PPP1R1C: variants seen among roughly 807,000 people sequenced by gnomAD.
The protein encoded by PPP1R1C is protein phosphatase 1 regulatory subunit 1C.
In PPP1R1C, 15 loss-of-function variants were observed where a neutral mutation model predicts 17.4. The observed-to-expected ratio is 0.86, with a 90% CI of 0.58 to 1.33. PPP1R1C has a LOEUF of 1.33. PPP1R1C is among the 40% of genes most tolerant of loss of function. The pLI is 0.00. For missense variants in PPP1R1C, 143 were observed against 130.0 expected, an observed-to-expected ratio of 1.10 and a Z score of -0.48; for synonymous variants, 35 against 43.1, an observed-to-expected ratio of 0.81 and a Z score of 0.73.
chr2:182,105,363 C>T (rs1689212221), intron 4 of PPP1R1C, among the ~76,000 whole-genome samples: 1 of 152,154 alleles, frequency 6.6e-6, no homozygotes, highest in African/African-American at 2.4e-5. Flanking sequence ...TATGTGACAT[C>T]CGTCAGCATA....
intron 4 of PPP1R1C, among the ~76,000 whole-genome samples, chr2:182,100,936 G>C (rs936852978): frequency 6.6e-6 from 1 of 152,164 alleles, no homozygotes; most frequent in Admixed American, 6.6e-5. Context: ...AGGGCTGATT[G>C]TTTTCCCATG....
chr2:182,035,307 A>AT (rs1686970771), intron 2 of PPP1R1C, among the ~76,000 whole-genome samples: 1 of 152,164 alleles, frequency 6.6e-6, no homozygotes, highest in Non-Finnish European at 1.5e-5. Flanking sequence ...TAAGTAAAAT[A>AT]TTTTTTCACA....
intron 1 of PPP1R1C, among the ~76,000 whole-genome samples, chr2:181,966,450 T>C (rs976450602): frequency 2.0e-5 from 3 of 152,220 alleles, no homozygotes; most frequent in African/African-American, 7.2e-5. Context: ...ATGTCATATA[T>C]GGCTTTTATT....
chr2:181,984,757 G>A (rs1288971571), upstream of PPP1R1C, among the ~76,000 whole-genome samples: 1 of 152,080 alleles, frequency 6.6e-6, no homozygotes, highest in African/African-American at 2.4e-5. Context: ...AATCATAGTC[G>A]ATGTCTAAAT....
At chr2:182,028,504 C>T (rs1433397007) in intron 2 of PPP1R1C, among the ~76,000 whole-genome samples, 5 of 152,166 alleles carry the variant, frequency 3.3e-5, no homozygotes. Flanking sequence ...TCTTCAGTTT[C>T]CATGTAGTTG....
chr2:182,010,609 T>C (rs13026985), intron 2 of PPP1R1C, among the ~76,000 whole-genome samples: 56,050 of 151,872 alleles, frequency 0.37, 11,048 homozygotes, highest in Non-Finnish European at 0.42. Flanking sequence ...TCAGAGGCAC[T>C]TTATTTCTTT....
chr2:181,987,913 A>G lies in PPP1R1C; in HGVS notation c.142+14A>G, dbSNP rs1685351794. ...ATAACCCCCCAGGTAAAGAAGCATG[A>G]TGTGTTTCACACTGATGGAACAGAA... On this transcript the variant is annotated intron_variant, in intron 2 of 4. Transcript: ENST00000682840. The G allele has an allele frequency of 6.2e-7, 1 of 1,603,128 alleles. No individual in the cohort carries two copies. Among genetic ancestry groups the G allele is most frequent in the African/African-American group, 1.3e-5 (1 of 74,744 alleles).
At chr2:182,097,464 C>A (rs1688974061) in intron 4 of PPP1R1C, among the ~76,000 whole-genome samples, 2 of 152,194 alleles carry the variant, frequency 1.3e-5, no homozygotes, top group African/African-American at 2.4e-5. Context: ...GCTACCCCCA[C>A]CACAAACAAC....
At chr2:182,119,273 T>C (rs1689670286), downstream of PPP1R1C, among the ~76,000 whole-genome samples, 1 of 152,082 alleles carries the variant, frequency 6.6e-6, no homozygotes, top group African/African-American at 2.4e-5. Flanking sequence ...CCATGGTGTA[T>C]ATGTGCCACA....
chr2:182,028,697 G>A (rs1226969508), intron 2 of PPP1R1C, among the ~76,000 whole-genome samples: 1 of 149,512 alleles, frequency 6.7e-6, no homozygotes, highest in Non-Finnish European at 1.5e-5. Flanking sequence ...TGTTGATTTG[G>A]GGTGGAGAGT....
chr2:182,023,464 GGT>G (rs1357888994), intron 2 of PPP1R1C, among the ~76,000 whole-genome samples: 3 of 151,632 alleles, frequency 2.0e-5, no homozygotes, highest in South Asian at 4.2e-4. Context: ...AAGGACAATT[GGT>G]GTCACCCTTG....
chr2:182,036,721 A>G lies in PPP1R1C; in HGVS notation c.143-24721A>G, dbSNP rs185652870. On this transcript the variant is annotated intron_variant, in intron 2 of 4. Coordinates refer to ENST00000682840, the MANE Select transcript of PPP1R1C (RefSeq NM_001080545.3). ...TATGTGTTTGTGTGTGTGTGTGTGT[A>G]TATATATAAAACATAATGGCAAATA... Among the ~76,000 whole-genome samples, 89 of 151,932 alleles carry G rather than the reference A, an allele frequency of 5.9e-4. 1 individual carries two copies. Among genetic ancestry groups the G allele is most frequent in the African/African-American group, 1.9e-3 (79 of 41,452 alleles).
rs144150572 is a variant in PPP1R1C, at chr2:181,959,403, A to G, written n.111+4769A>G. On this transcript the variant is annotated intron_variant and non_coding_transcript_variant, in intron 1 of 5. Transcript: ENST00000464264. ...TCTGAATCAACAAGATGTCTCTCAT[A>G]TTGTGTATTGTGAGTAATTAATGGT... is the stretch of plus-strand genomic sequence containing the variant. Among the ~76,000 whole-genome samples the G allele has an allele frequency of 6.4e-3, 975 of 152,272 alleles. 8 individuals are homozygous for G. The highest frequency in any genetic ancestry group is 0.022 in the African/African-American group (929 of 41,528).
rs929822157 is a variant in PPP1R1C, at chr2:182,102,580, C to T, written c.242-14627C>T. Reference sequence around the variant, plus strand: ...GAAAAAAATTGAAATGATTATAAATCATATGCAGTGTGATAAGTCATGGAC... The same window carrying T: ...GAAAAAAATTGAAATGATTATAAATTATATGCAGTGTGATAAGTCATGGAC... On this transcript the variant is annotated intron_variant, in intron 4 of 4. Transcript: ENST00000682840. Among the ~76,000 whole-genome samples, 16 of 152,118 alleles carry T rather than the reference C, an allele frequency of 1.1e-4. No individual in the cohort carries two copies. The South Asian group carries it at 3.3e-3, about 32-fold the overall frequency.
intron 2 of PPP1R1C, among the ~76,000 whole-genome samples, chr2:181,978,360 G>A (rs1470483742): frequency 6.6e-6 from 1 of 152,214 alleles, no homozygotes; most frequent in Non-Finnish European, 1.5e-5. Context: ...TTGGAGAGTA[G>A]GCAGACAGAG....
chr2:182,057,555 A>AT (rs1436514062), intron 2 of PPP1R1C, among the ~76,000 whole-genome samples: 3 of 152,176 alleles, frequency 2.0e-5, no homozygotes, highest in Non-Finnish European at 4.4e-5. Context: ...ATCTCCCCAC[A>AT]TTCAGTCAGT....
chr2:181,963,862 C>T (rs546916076), intron 1 of PPP1R1C, among the ~76,000 whole-genome samples: 4 of 150,558 alleles, frequency 2.7e-5, no homozygotes, highest in African/African-American at 4.9e-5. Context: ...TTATGAGGTA[C>T]GTAAGATATT....
chr2:182,043,633 C>T (rs1449224151), intron 2 of PPP1R1C, among the ~76,000 whole-genome samples: 1 of 152,166 alleles, frequency 6.6e-6, no homozygotes, highest in African/African-American at 2.4e-5. Context: ...TTCATGCCTA[C>T]CCTGAAGAGT....
chr2:181,992,189 T>TAAATA (rs1215051232), intron 2 of PPP1R1C, among the ~76,000 whole-genome samples: 2 of 137,504 alleles, frequency 1.5e-5, no homozygotes, highest in Admixed American at 7.1e-5. Flanking sequence ...TTAACCGGGC[T>TAAATA]TTTCAACTCC....
Sources: allele counts gnomAD v4.1 joint callset (sites outside exome capture counted in the v4.1 genomes callset), GRCh38; gene constraint gnomAD v4.1.1; transcripts MANE v1.5; gene names NCBI Gene and HGNC (gene_info 2026-07-23, HGNC 2026-07-21).